COX7A2: variants seen among roughly 807,000 people sequenced by gnomAD.
COX7A2 encodes the protein cytochrome c oxidase subunit 7A2, mitochondrial.
COX7A2 carries 11 observed loss-of-function variants against 11.6 expected under a neutral mutation model. The ratio of observed to expected loss-of-function variants is 0.95; its 90% CI spans 0.60 to 1.57. COX7A2 has a LOEUF of 1.57. Among genes scored for constraint, COX7A2 ranks in the 40% most tolerant of loss-of-function variants. COX7A2 has a pLI of 0.00. For synonymous variants in COX7A2, 30 were observed against 38.2 expected, an observed-to-expected ratio of 0.78 and a Z score of 0.79; for missense variants, 106 against 100.9, an observed-to-expected ratio of 1.05 and a Z score of -0.22.
chr6:75,238,200 ATATT>A (rs1449061599), intron 3 of COX7A2, among the ~76,000 whole-genome samples: 3 of 152,244 alleles, frequency 2.0e-5, no homozygotes, highest in Middle Eastern at 3.4e-3. Flanking sequence ...GCACAATAAT[ATATT>A]TGTCAACATA....
At position 75,237,922 on chromosome 6, in the gene COX7A2, G is replaced by T. The variant is rs752029766; in HGVS notation, c.*8C>A. On this transcript the variant is annotated 3_prime_UTR_variant, in exon 4 of 4. Coordinates refer to ENST00000684430, the MANE Select transcript of COX7A2 (RefSeq NM_001366293.2). ...AACTGAACCAAGCGATTGCTGGGATGACTGAAGTCACTCCTGCTTCTTGGG... is the reference window on the plus strand; with the variant it reads ...AACTGAACCAAGCGATTGCTGGGATTACTGAAGTCACTCCTGCTTCTTGGG... The T allele has an allele frequency of 2.5e-6, 4 of 1,605,392 alleles. No homozygotes were observed. The Admixed American group carries it at 6.7e-5, about 27-fold the overall frequency.
At position 75,243,180 on chromosome 6, in the gene COX7A2, G is replaced by T. The variant is rs1010272943; in HGVS notation, c.18+537C>A. On this transcript the variant is annotated intron_variant, in intron 1 of 3. Coordinates refer to ENST00000684430, the MANE Select transcript of COX7A2 (RefSeq NM_001366293.2). ...TTTCACATGCTCAAAGTCGATGGAG[G>T]GGTGAAGGACAATGCACAATCGCCT... 5.3e-5 allele frequency among the ~76,000 whole-genome samples: 8 copies of T among 152,068 alleles called. No individual in the cohort carries two copies. The East Asian group carries it at 1.3e-3, about 26-fold the overall frequency.
At chr6:75,241,899 ATCGCGCCATTGCAC>A (rs1771512222) in intron 1 of COX7A2, 1 of 154,694 alleles carries the variant, frequency 6.5e-6, no homozygotes, top group South Asian at 2.0e-4. Context: ...GTGAGCTGAG[ATCGCGCCATTGCAC>A]TCCAGCCTGG....
intron 3 of COX7A2, 118 bp from the exon 4 acceptor site, chr6:75,238,106 A>C (rs1771370851): frequency 1.9e-6 from 1 of 523,960 alleles, no homozygotes; most frequent in South Asian, 6.2e-5. Flanking sequence ...TTGGAACACA[A>C]AAAAGTATTT....
chr6:75,239,333 TGGTGTGCA>T (rs998875106), intron 3 of COX7A2, among the ~76,000 whole-genome samples: 4 of 152,170 alleles, frequency 2.6e-5, no homozygotes, highest in Non-Finnish European at 4.4e-5. Context: ...GTCCATTACT[TGGTGTGCA>T]GGGAAAAACC....
rs558098257 is a variant in COX7A2 at position 75,238,565 on chromosome 6, G to T, written c.194-577C>A. On this transcript the variant is annotated intron_variant, in intron 3 of 3. Coordinates refer to ENST00000684430, the MANE Select transcript of COX7A2 (RefSeq NM_001366293.2). Reference sequence around the variant, plus strand: ...ACTAAAAATACAAAATTAGCCAGGCGTGGTGGTGCATGCCTGTAATCCCAG... The same window carrying T: ...ACTAAAAATACAAAATTAGCCAGGCTTGGTGGTGCATGCCTGTAATCCCAG... 9.2e-5 allele frequency among the ~76,000 whole-genome samples: 14 copies of T among 151,658 alleles called. 1 individual carries two copies. In the East Asian group the frequency reaches 2.6e-3, roughly 28 times the overall value.
chr6:75,244,748 A>C (rs1241056201), upstream of COX7A2, among the ~76,000 whole-genome samples: 1 of 152,210 alleles, frequency 6.6e-6, no homozygotes, highest in African/African-American at 2.4e-5. Flanking sequence ...GTAATATTAA[A>C]ACTATTCCTT....
chr6:75,240,422 T>G (rs776174365), intron 2 of COX7A2, 37 bp from the exon 3 acceptor site: 1 of 1,380,344 alleles, frequency 7.2e-7, no homozygotes, highest in East Asian at 2.4e-5. Flanking sequence ...CAATAATAAA[T>G]GTCTCACTCA....
At chr6:75,242,882 A>G (rs917307317) in intron 1 of COX7A2, among the ~76,000 whole-genome samples, 1 of 152,052 alleles carries the variant, frequency 6.6e-6, no homozygotes, top group South Asian at 2.1e-4. Context: ...AACAAAAAAA[A>G]CCCTATTACT....
upstream of COX7A2, chr6:75,243,818 C>T: frequency 6.2e-7 from 1 of 1,614,040 alleles, no homozygotes; most frequent in Non-Finnish European, 8.5e-7. Context: ...ACCTCCGAGT[C>T]TTGCGTATGC....
chr6:75,240,470 G>T (rs757599930), intron 2 of COX7A2, 85 bp from the exon 3 acceptor site: 2 of 839,392 alleles, frequency 2.4e-6, no homozygotes, highest in East Asian at 2.7e-5. Context: ...CATATAAAAT[G>T]ATATAGCTCC....
At chr6:75,245,554 A>G (rs192343154), upstream of COX7A2, among the ~76,000 whole-genome samples, 250 of 151,536 alleles carry the variant, frequency 1.6e-3, 1 homozygote, top group African/African-American at 5.8e-3. Flanking sequence ...AGATTCTTGT[A>G]TGCATGTTAT....
chr6:75,242,306 A>G (rs1264555736), intron 1 of COX7A2, among the ~76,000 whole-genome samples: 2 of 152,038 alleles, frequency 1.3e-5, no homozygotes, highest in Non-Finnish European at 2.9e-5. Context: ...GGAGTTCAAG[A>G]CCCGGCCTAG....
chr6:75,242,825 AAAAAT>A (rs200706977), intron 1 of COX7A2, among the ~76,000 whole-genome samples: 10 of 10,220 alleles, frequency 9.8e-4, no homozygotes, highest in Admixed American at 4.5e-3. Flanking sequence ...TCTCAAAAAA[AAAAAT>A]AAAATAAAAT....
At chr6:75,242,560 G>A (rs1205373401) in intron 1 of COX7A2, among the ~76,000 whole-genome samples, 1 of 151,716 alleles carries the variant, frequency 6.6e-6, no homozygotes, top group African/African-American at 2.4e-5. Flanking sequence ...AGTGGCTTAT[G>A]CCAGTAATCC....
intron 1 of COX7A2, among the ~76,000 whole-genome samples, chr6:75,241,666 C>A (rs1771504493): frequency 6.6e-6 from 1 of 152,178 alleles, no homozygotes; most frequent in Admixed American, 6.5e-5. Flanking sequence ...CAAAAACCTG[C>A]CAGGCGCGGT....
chr6:75,240,566 T>G, intron 2 of COX7A2, 181 bp from the exon 3 acceptor site: 1 of 484,020 alleles, frequency 2.1e-6, no homozygotes, highest in South Asian at 3.7e-5. Flanking sequence ...ACTACTACTT[T>G]TAAAATAAGA....
Position 75,243,754 on chromosome 6 carries a change from C to T in COX7A2, c.-20G>A, listed in dbSNP as rs190629998. ...CAGCATCTTGGCTGTTACTGACCAGCAACCGCCACAACTGAACACCACCAA... is the reference window on the plus strand; with the variant it reads ...CAGCATCTTGGCTGTTACTGACCAGTAACCGCCACAACTGAACACCACCAA... On this transcript the variant is annotated 5_prime_UTR_variant, in exon 1 of 4. Transcript: ENST00000684430. The T allele has an allele frequency of 2.7e-4, 432 of 1,613,884 alleles. No homozygotes were observed. Among genetic ancestry groups the T allele is most frequent in the African/African-American group, 9.1e-4 (68 of 75,032 alleles).
upstream of COX7A2, among the ~76,000 whole-genome samples, chr6:75,245,560 G>A (rs1771664416): frequency 6.6e-6 from 1 of 150,758 alleles, no homozygotes; most frequent in South Asian, 2.1e-4. Context: ...TTGTATGCAT[G>A]TTATTCAGTA....
Sources: gnomAD v4.1 joint callset for allele counts (sites outside exome capture counted in the v4.1 genomes callset) on GRCh38, gnomAD v4.1.1 for gene constraint, MANE v1.5 for transcripts, NCBI Gene and HGNC (gene_info 2026-07-23, HGNC 2026-07-21) for gene names.